Variants in CNGA3 observed in about 807,000 individuals in gnomAD.
CNGA3 encodes the protein cyclic nucleotide-gated channel alpha-3.
Under a neutral mutation model 46.6 loss-of-function variants are expected in CNGA3, and 42 were observed. That is an observed-to-expected ratio of 0.90 (90% CI 0.70 to 1.17). The LOEUF (loss-of-function observed/expected upper bound fraction) is 1.17. CNGA3 is among the 50% of genes most tolerant of loss of function. The pLI, the probability that CNGA3 is intolerant of heterozygous loss-of-function variation, is 0.00. For synonymous variants in CNGA3, 394 were observed against 369.4 expected (o/e 1.07, Z -0.76); for missense variants, 893 against 890.7 (o/e 1.00, Z -0.03).
intron 2 of CNGA3, among the ~76,000 whole-genome samples, chr2:98,373,127 C>T (rs1223280493): frequency 6.6e-6 from 1 of 152,178 alleles, no homozygotes; most frequent in Non-Finnish European, 1.5e-5. Flanking sequence ...GGTACAGCAG[C>T]CTCAGGGATG....
chr2:98,374,429 AG>A (rs1406896602), intron 2 of CNGA3, among the ~76,000 whole-genome samples: 2 of 152,310 alleles, frequency 1.3e-5, no homozygotes, highest in South Asian at 2.1e-4. Context: ...GGGAAGCTCC[AG>A]GGTTGTCCTG....
chr2:98,382,947 C>T (rs1305568390), intron 4 of CNGA3, among the ~76,000 whole-genome samples: 8 of 152,222 alleles, frequency 5.3e-5, no homozygotes. Flanking sequence ...CTGCTGCAGG[C>T]TGCGTCCATC....
At position 98,357,311 on chromosome 2, in the gene CNGA3, T is replaced by G. The variant is rs190824498; in HGVS notation, c.-38+10777T>G. Among the ~76,000 whole-genome samples the G allele has an allele frequency of 7.7e-4, 117 of 152,320 alleles. 2 individuals are homozygous for G. The highest frequency in any genetic ancestry group is 2.7e-3 in the African/African-American group (113 of 41,574). ...AGTGCAAAAGTCACAGCTGAATCCTTGAAGGTACACAGCAAAATGTGATTG... is the reference window on the plus strand; with the variant it reads ...AGTGCAAAAGTCACAGCTGAATCCTGGAAGGTACACAGCAAAATGTGATTG... On this transcript the variant is annotated intron_variant, in intron 1 of 7. Coordinates refer to ENST00000272602, the MANE Select transcript of CNGA3 (RefSeq NM_001298.3).
intron 1 of CNGA3, among the ~76,000 whole-genome samples, chr2:98,358,104 T>C (rs993757155): frequency 7.9e-5 from 12 of 152,370 alleles, no homozygotes; most frequent in East Asian, 5.8e-4. Flanking sequence ...GGATCACTGA[T>C]TGTGGTTTCA....
chr2:98,354,178 G>T (rs534966794), intron 1 of CNGA3, among the ~76,000 whole-genome samples: 59 of 152,182 alleles, frequency 3.9e-4, no homozygotes, highest in African/African-American at 1.4e-3. Flanking sequence ...AGTTTGCACT[G>T]TATTGTTTTT....
At chr2:98,375,221 A>T (rs1473023378) in intron 2 of CNGA3, among the ~76,000 whole-genome samples, 2 of 152,250 alleles carry the variant, frequency 1.3e-5, no homozygotes, top group Non-Finnish European at 2.9e-5. Context: ...GCGAATGCAA[A>T]TAAATCTGGT....
At chr2:98,356,149 G>A (rs769418932) in intron 1 of CNGA3, 3 of 152,200 alleles carry the variant, frequency 2.0e-5, no homozygotes, top group Non-Finnish European at 4.4e-5. Flanking sequence ...AGAGTATTTT[G>A]GAAAAGTGTT....
At chr2:98,368,952 A>T (rs2104172230) in intron 1 of CNGA3, among the ~76,000 whole-genome samples, 1 of 152,360 alleles carries the variant, frequency 6.6e-6, no homozygotes, top group Non-Finnish European at 1.5e-5. Flanking sequence ...CAAAAGGCCG[A>T]TCTTAGGCTC....
intron 1 of CNGA3, among the ~76,000 whole-genome samples, chr2:98,357,458 C>A (rs919217353): frequency 6.6e-6 from 1 of 152,216 alleles, no homozygotes; most frequent in African/African-American, 2.4e-5. Flanking sequence ...TCCTCCCCAT[C>A]CTGCATTGCA....
At chr2:98,373,847 G>A (rs55763646) in intron 2 of CNGA3, among the ~76,000 whole-genome samples, 12,363 of 152,238 alleles carry the variant, frequency 0.081, 683 homozygotes, top group Non-Finnish European at 0.13. Flanking sequence ...TTGGGGCACG[G>A]GGGTTTGTGT....
At chr2:98,361,497 G>A (rs1347924023) in intron 1 of CNGA3, among the ~76,000 whole-genome samples, 2 of 152,152 alleles carry the variant, frequency 1.3e-5, no homozygotes, top group East Asian at 3.9e-4. Context: ...ACATATGCAT[G>A]CCTGTATCTT....
At chr2:98,349,677 C>T (rs544177313) in intron 1 of CNGA3, among the ~76,000 whole-genome samples, 20 of 152,312 alleles carry the variant, frequency 1.3e-4, no homozygotes, top group African/African-American at 4.3e-4. Flanking sequence ...CCAGAAGCAA[C>T]CTCTGTTCTG....
Position 98,363,633 on chromosome 2 carries a change from A to T in CNGA3, c.-37-6306A>T, listed in dbSNP as rs1692082547. The stretch of plus-strand genomic sequence containing the variant: ...TTCCAGATTTTGCCCATTCAGTATG[A>T]TATTGGATATGGGTTTGTCATAAAT... On this transcript the variant is annotated intron_variant, in intron 1 of 7. Coordinates refer to ENST00000272602, the MANE Select transcript of CNGA3 (RefSeq NM_001298.3). Among the ~76,000 whole-genome samples the T allele has an allele frequency of 2.6e-5, 4 of 152,240 alleles. No homozygotes were observed. The South Asian group carries it at 8.3e-4, about 32-fold the overall frequency.
rs1019971482 is a variant in CNGA3 at position 98,369,494 on chromosome 2, T to C, written c.-37-445T>C. On this transcript the variant is annotated intron_variant, in intron 1 of 7. Transcript: ENST00000272602. ...CTGAATGTCACATATGGTCCTTTTT[T>C]TACATGTTGTCTTAAAGCAAGATTT... is the stretch of plus-strand genomic sequence containing the variant. 1.1e-4 allele frequency among the ~76,000 whole-genome samples: 16 copies of C among 152,236 alleles called. No individual in the cohort carries two copies. The South Asian group carries it at 3.1e-3, about 30-fold the overall frequency.
chr2:98,380,360 G>T lies in CNGA3; in HGVS notation c.395+6G>T, dbSNP rs1234553253. On this transcript the variant is annotated splice_donor_region_variant and intron_variant, in intron 4 of 7. Coordinates refer to ENST00000272602, the MANE Select transcript of CNGA3 (RefSeq NM_001298.3). ...CCAGCAGACAGAGGGAGAAGGTAAGGAACGGAAAAGAAGAAGGGGCCTCTG... is the reference window on the plus strand; with the variant it reads ...CCAGCAGACAGAGGGAGAAGGTAAGTAACGGAAAAGAAGAAGGGGCCTCTG... The T allele has an allele frequency of 6.2e-7, 1 of 1,612,966 alleles. No homozygotes were observed. The highest frequency in any genetic ancestry group is 8.5e-7 in the Non-Finnish European group (1 of 1,179,428).
At chr2:98,380,120 G>C in intron 3 of CNGA3, 55 bp from the exon 4 acceptor site, 2 of 1,595,668 alleles carry the variant, frequency 1.3e-6, no homozygotes, top group Non-Finnish European at 1.7e-6. Flanking sequence ...CTGGGGTTTG[G>C]GGGTGTGGGG....
At chr2:98,378,355 C>T in intron 3 of CNGA3, 1 of 979,360 alleles carries the variant, frequency 1.0e-6, no homozygotes, top group South Asian at 2.0e-5. Flanking sequence ...TTTCAAATCT[C>T]ATCTAGAAAT....
chr2:98,379,453 G>A (rs1170229975), intron 3 of CNGA3, among the ~76,000 whole-genome samples: 6 of 152,196 alleles, frequency 3.9e-5, no homozygotes, highest in Non-Finnish European at 7.3e-5. Flanking sequence ...ACAGCAGGCA[G>A]GGTGGAGGGA....
chr2:98,361,430 T>C (rs1692030677), intron 1 of CNGA3, among the ~76,000 whole-genome samples: 1 of 152,224 alleles, frequency 6.6e-6, no homozygotes, highest in South Asian at 2.1e-4. Context: ...TAGTCTATCA[T>C]TGATGGGCAT....
Sources: allele counts gnomAD v4.1 joint callset (sites outside exome capture counted in the v4.1 genomes callset), GRCh38; gene constraint gnomAD v4.1.1; transcripts MANE v1.5; gene names NCBI Gene and HGNC (gene_info 2026-07-23, HGNC 2026-07-21).